CSAD: variants seen among roughly 807,000 people sequenced by gnomAD.
The protein encoded by CSAD is P-selectin cytoplasmic tail-associated protein.
A neutral mutation model predicts 61.5 loss-of-function variants in CSAD; 47 were observed. That is an observed-to-expected ratio of 0.76 (90% CI 0.60 to 0.97). CSAD has a LOEUF of 0.97. CSAD is among the 50% of genes least tolerant of loss of function. CSAD has a pLI of 0.00. For missense variants in CSAD, 611 were observed against 643.6 expected, an observed-to-expected ratio of 0.95 and a Z score of 0.55; for synonymous variants, 245 against 252.7, an observed-to-expected ratio of 0.97 and a Z score of 0.29.
At chr12:53,167,989 C>A (rs1012216861) in intron 10 of CSAD, among the ~76,000 whole-genome samples, 6 of 152,182 alleles carry the variant, frequency 3.9e-5, no homozygotes, top group Non-Finnish European at 7.3e-5. Context: ...TGTCCATCAA[C>A]TGATGAATGG....
chr12:53,172,743 C>T, intron 4 of CSAD, 95 bp from the exon 5 acceptor site: 6 of 1,334,558 alleles, frequency 4.5e-6, no homozygotes, highest in Non-Finnish European at 6.0e-6. Context: ...CCAACCTGCA[C>T]TAAAAACAAC....
Position 53,160,200 on chromosome 12 carries a change from A to T in CSAD, c.1086T>A (p.Cys362Ter). Reference protein sequence around the residue: ...KVVQCGRRVDCLKLWLMWKAQ... With the variant: ...KVVQCGRRVD ...CCTTCCACATGAGCCACAGCTTCAG[A>T]CAGTCCACACGGCGGCCACACTGCA... The change falls in exon 14 of 17, where the codon TGT becomes TGA. Residue 362 changes from cysteine to a stop codon, truncating the protein, a stop_gained. Transcript: ENST00000444623. LOFTEE classifies it high-confidence loss of function. The T allele has an allele frequency of 1.9e-6, 3 of 1,614,166 alleles. No homozygotes were observed. Among genetic ancestry groups the T allele is most frequent in the Non-Finnish European group, 2.5e-6 (3 of 1,180,024 alleles).
At chr12:53,161,410 G>A (rs778051541) in intron 10 of CSAD, 21 bp from the exon 11 acceptor site, 1 of 1,590,672 alleles carries the variant, frequency 6.3e-7, no homozygotes, top group Non-Finnish European at 8.6e-7. Context: ...AATGTAGAGG[G>A]AGAAAGATGT....
At chr12:53,171,617 T>G (rs1940589860) in intron 7 of CSAD, 176 bp from the exon 8 acceptor site, 1 of 664,560 alleles carries the variant, frequency 1.5e-6, no homozygotes, top group Non-Finnish European at 2.5e-6. Context: ...CAGATCCTCT[T>G]GACCACACCT....
chr12:53,176,049 T>A (rs1208295137), intron 2 of CSAD, among the ~76,000 whole-genome samples: 1 of 151,904 alleles, frequency 6.6e-6, no homozygotes, highest in African/African-American at 2.4e-5. Context: ...TTGACAAAAA[T>A]TAACTGCAGC....
rs147179236 is a variant in CSAD, at chr12:53,169,105, G to A, written c.702+967C>T. On this transcript the variant is annotated intron_variant, in intron 10 of 16. Transcript: ENST00000444623. ...TGAGGCATGAGAATCACTCGAACCC[G>A]GGAGGTGGAAGTTGCAGTGAGCCGA... is the stretch of plus-strand genomic sequence containing the variant. Among the ~76,000 whole-genome samples the A allele has an allele frequency of 6.1e-4, 93 of 152,216 alleles. 4 individuals carry two copies. In the East Asian group the frequency reaches 0.016, roughly 27 times the overall value.
At chr12:53,161,455 T>C in intron 10 of CSAD, 66 bp from the exon 11 acceptor site, 1 of 1,335,818 alleles carries the variant, frequency 7.5e-7, no homozygotes, top group Non-Finnish European at 1.1e-6. Context: ...AGCCTGATGC[T>C]GGGCCCAGCT....
At chr12:53,181,225 C>A, upstream of CSAD, 1 of 985,470 alleles carries the variant, frequency 1.0e-6, no homozygotes, top group Non-Finnish European at 1.2e-6. Flanking sequence ...AGTTTCCCTA[C>A]CTTCGGGCGG....
chr12:53,159,480 C>T, intron 16 of CSAD, 143 bp downstream of exon 16: 1 of 666,308 alleles, frequency 1.5e-6, no homozygotes, highest in South Asian at 1.8e-5. Context: ...CCATCCCCAC[C>T]CCTACCGAAA....
chr12:53,180,514 C>G (rs1318434725), intron 1 of CSAD: 3 of 1,267,300 alleles, frequency 2.4e-6, no homozygotes, highest in African/African-American at 3.2e-5. Context: ...GCGCACGCGC[C>G]GGCCTCAGCG....
At chr12:53,180,676 G>T in intron 1 of CSAD, 56 bp downstream of exon 1, 2 of 1,277,900 alleles carry the variant, frequency 1.6e-6, no homozygotes, top group Non-Finnish European at 2.0e-6. Flanking sequence ...AGAGGACGAG[G>T]GGGAGGGGGA....
intron 2 of CSAD, among the ~76,000 whole-genome samples, chr12:53,175,958 T>A (rs1941072490): frequency 6.6e-6 from 1 of 152,246 alleles, no homozygotes; most frequent in East Asian, 1.9e-4. Flanking sequence ...GGAACAAGCC[T>A]AGATCACTGA....
chr12:53,170,334 G>A (rs534525386), intron 9 of CSAD, 89 bp downstream of exon 9: 78 of 1,218,696 alleles, frequency 6.4e-5, no homozygotes, highest in South Asian at 3.8e-4. Context: ...GTCCACCAGC[G>A]GTAAGGGTCT....
At position 53,173,439 on chromosome 12, in the gene CSAD, G is replaced by T. The variant is rs201185768; in HGVS notation, c.32C>A (p.Ala11Asp). The change falls in exon 4 of 17, where the codon GCT becomes GAT. Residue 11 changes from alanine (A) to aspartate (D), a missense_variant. By Grantham distance (126) the Ala-to-Asp change is moderately radical (BLOSUM62 -2). Transcript: ENST00000444623. ...GGCTTCCACAGCCACTGGGTCCCCA[G>T]CAAGGGAGGGGAGTGCTTCTGAGTC... MADSEALPSL[A>D]GDPVAVEALL... The T allele has an allele frequency of 1.2e-5, 19 of 1,614,060 alleles. No individual in the cohort carries two copies. The highest frequency in any genetic ancestry group is 1.1e-4 in the African/African-American group (8 of 74,938).
intron 2 of CSAD, among the ~76,000 whole-genome samples, chr12:53,175,797 G>A (rs1025384859): frequency 6.6e-6 from 1 of 152,218 alleles, no homozygotes; most frequent in Non-Finnish European, 1.5e-5. Flanking sequence ...TTTGCAAAGG[G>A]TGTTTTTCCT....
chr12:53,158,936 T>C (rs1938902586), intron 16 of CSAD, among the ~76,000 whole-genome samples: 1 of 152,220 alleles, frequency 6.6e-6, no homozygotes, highest in African/African-American at 2.4e-5. Flanking sequence ...CTGTGGGACA[T>C]TTTCTGCCAA....
rs763369188 is a variant in CSAD, at chr12:53,180,741, G to A, written c.-100C>T. ...GTGTTTGTAAACTTGCCTCGGTCCCGGTGGGGGCAGCCGCGGCGGTGGGGT... is the reference window on the plus strand; with the variant it reads ...GTGTTTGTAAACTTGCCTCGGTCCCAGTGGGGGCAGCCGCGGCGGTGGGGT... On this transcript the variant is annotated 5_prime_UTR_variant, in exon 1 of 17. Coordinates refer to ENST00000444623, the MANE Select transcript of CSAD (RefSeq NM_001244705.2). 29 of 1,265,632 alleles carry A rather than the reference G, an allele frequency of 2.3e-5. No homozygotes were observed. Among genetic ancestry groups the A allele is most frequent in the Middle Eastern group, 2.3e-4 (1 of 4,406 alleles). 78.4% of individuals were successfully genotyped at this position (1,265,632 alleles called of 1,614,324 possible). A position where few individuals can be genotyped will look rare whatever the true frequency, so the allele number is the denominator to read the frequency against.
At chr12:53,158,941 T>G (rs1938903847) in intron 16 of CSAD, among the ~76,000 whole-genome samples, 1 of 152,238 alleles carries the variant, frequency 6.6e-6, no homozygotes, top group Admixed American at 6.5e-5. Flanking sequence ...GGACATTTTC[T>G]GCCAAATCTT....
chr12:53,162,567 C>G (rs1592311535), intron 10 of CSAD, among the ~76,000 whole-genome samples: 1 of 152,098 alleles, frequency 6.6e-6, no homozygotes, highest in East Asian at 1.9e-4. Flanking sequence ...AACTCTGTCT[C>G]TAAATAAATA....
Sources: gnomAD v4.1 joint callset for allele counts (sites outside exome capture counted in the v4.1 genomes callset) on GRCh38, gnomAD v4.1.1 for gene constraint, MANE v1.5 for transcripts, NCBI Gene and HGNC (gene_info 2026-07-23, HGNC 2026-07-21) for gene names.